Variants in SHANK2 observed in about 807,000 individuals in gnomAD.
SHANK2 encodes SH3 and multiple ankyrin repeat domains protein 2.
A neutral mutation model predicts 133.7 loss-of-function variants in SHANK2; 43 were observed. The ratio of observed to expected loss-of-function variants is 0.32; its 90% confidence interval spans 0.25 to 0.41. The LOEUF (loss-of-function observed/expected upper bound fraction) is 0.41, where lower values mean the gene tolerates loss of function less well. Among genes scored for constraint, SHANK2 ranks in the 10% least tolerant of loss-of-function variants. SHANK2 has a pLI of 1.00. For missense variants in SHANK2, 1,994 were observed against 2,235.8 expected (o/e 0.89, Z 2.18); for synonymous variants, 1,017 against 952.8 (o/e 1.07, Z -1.24).
chr11:70,646,819 CTTTTATTTATTTTAT>C (rs1163855310), intron 17 of SHANK2, among the ~76,000 whole-genome samples: 9 of 106,104 alleles, frequency 8.5e-5, no homozygotes, highest in Non-Finnish European at 1.2e-4. Context: ...AGGAATCTAA[CTTTTATTTATTTTAT>C]TTATTTATTT....
intron 14 of SHANK2, among the ~76,000 whole-genome samples, chr11:70,737,805 G>T (rs982191202): frequency 6.6e-6 from 1 of 152,242 alleles, no homozygotes. Flanking sequence ...TCTTGGGGCC[G>T]GTTTTCCCTG....
intron 11 of SHANK2, among the ~76,000 whole-genome samples, chr11:70,893,244 G>A (rs1365703607): frequency 2.0e-5 from 3 of 152,182 alleles, no homozygotes; most frequent in Non-Finnish European, 4.4e-5. Context: ...TTAAACAATG[G>A]GCAAAGACCC....
chr11:71,197,647 T>TTTTA (rs1296376464), intron 2 of SHANK2, among the ~76,000 whole-genome samples: 19 of 152,272 alleles, frequency 1.2e-4, no homozygotes, highest in African/African-American at 4.1e-4. Flanking sequence ...CTGGCAGGCA[T>TTTTA]TTTATTTATT....
chr11:70,820,733 C>T, intron 11 of SHANK2, 51 bp from the exon 12 acceptor site: 1 of 619,972 alleles, frequency 1.6e-6, no homozygotes, highest in Non-Finnish European at 2.9e-6. Context: ...GTGTCGTGGT[C>T]AGCTGGGTGG....
chr11:70,860,287 G>A (rs899338184), intron 11 of SHANK2, among the ~76,000 whole-genome samples: 2 of 152,090 alleles, frequency 1.3e-5, no homozygotes, highest in African/African-American at 4.8e-5. Context: ...CTCTGTACTT[G>A]GCACCCCCAG....
At chr11:70,586,450 C>T (rs940709023) in intron 17 of SHANK2, among the ~76,000 whole-genome samples, 15 of 152,214 alleles carry the variant, frequency 9.9e-5, no homozygotes, top group South Asian at 4.1e-4. Context: ...AAGGCGTGGC[C>T]GGGGCTAGTG....
At chr11:71,086,056 AATATATT>A (rs1951401019) in intron 8 of SHANK2, among the ~76,000 whole-genome samples, 1 of 82,806 alleles carries the variant, frequency 1.2e-5, no homozygotes, top group Non-Finnish European at 2.0e-5. Flanking sequence ...TATGTTATAT[AATATATT>A]ATATAATATA....
At chr11:71,073,150 T>TC (rs1951168458) in intron 9 of SHANK2, among the ~76,000 whole-genome samples, 2 of 32,726 alleles carry the variant, frequency 6.1e-5, no homozygotes, top group African/African-American at 1.0e-4. Flanking sequence ...TTCTTTTCTT[T>TC]TTTTTCTTTT....
At chr11:71,170,936 C>T (rs1388635535) in intron 2 of SHANK2, among the ~76,000 whole-genome samples, 4 of 152,224 alleles carry the variant, frequency 2.6e-5, no homozygotes, top group Non-Finnish European at 4.4e-5. Context: ...CAGAATACCA[C>T]GGCTGCGGCT....
At chr11:71,128,963 T>G (rs1952241038) in intron 3 of SHANK2, among the ~76,000 whole-genome samples, 2 of 152,202 alleles carry the variant, frequency 1.3e-5, no homozygotes, top group South Asian at 2.1e-4. Flanking sequence ...TTTTGTATTT[T>G]TAGTAGAGAC....
At chr11:70,730,793 C>T (rs1317847495) in intron 14 of SHANK2, among the ~76,000 whole-genome samples, 1 of 151,768 alleles carries the variant, frequency 6.6e-6, no homozygotes, top group Non-Finnish European at 1.5e-5. Context: ...GGCGTCTGCT[C>T]ACTGCTATGC....
intron 14 of SHANK2, among the ~76,000 whole-genome samples, chr11:70,715,795 C>T (rs897272594): frequency 2.0e-5 from 3 of 152,212 alleles, no homozygotes; most frequent in Non-Finnish European, 4.4e-5. Flanking sequence ...TCTATCTGTC[C>T]AGAAGGATGC....
rs569959090 is a variant in SHANK2, at chr11:70,535,313, C to A, written c.2062-32382G>T. ...CTCTATCCTCCATCATTCAGTCCAT[C>A]CATCACTCTATCCCTCTGTTCTTCC... On this transcript the variant is annotated intron_variant, in intron 17 of 25. Transcript: ENST00000601538. This position sits in a 1 kb window ranked among gnomAD's most constrained non-coding sequence, Gnocchi z 4.3. 6.6e-6 allele frequency among the ~76,000 whole-genome samples: 1 copy of A among 151,546 alleles called. No individual in the cohort carries two copies. The highest frequency in any genetic ancestry group is 6.6e-5 in the Admixed American group (1 of 15,166).
chr11:71,129,184 G>GT (rs1282637017), intron 3 of SHANK2, among the ~76,000 whole-genome samples: 1 of 152,244 alleles, frequency 6.6e-6, no homozygotes, highest in African/African-American at 2.4e-5. Flanking sequence ...CTCCTGGGTA[G>GT]TATCATCCAA....
At chr11:71,219,791 G>A (rs923724653) in intron 2 of SHANK2, among the ~76,000 whole-genome samples, 2 of 151,718 alleles carry the variant, frequency 1.3e-5, no homozygotes, top group Admixed American at 1.3e-4. Flanking sequence ...TCAGCTACTC[G>A]GGAGGCTGAG....
At chr11:70,834,464 T>G (rs1303560733) in intron 11 of SHANK2, among the ~76,000 whole-genome samples, 2 of 152,202 alleles carry the variant, frequency 1.3e-5, no homozygotes, top group East Asian at 3.9e-4. Flanking sequence ...AAAGTATGTA[T>G]GCAAGAGCCT....
intron 14 of SHANK2, among the ~76,000 whole-genome samples, chr11:70,741,982 G>A (rs1555034861): frequency 2.0e-5 from 3 of 152,282 alleles, no homozygotes; most frequent in Non-Finnish European, 1.5e-5. Flanking sequence ...ATTCCCACCT[G>A]GTTCCCCTGC....
intron 2 of SHANK2, among the ~76,000 whole-genome samples, chr11:71,167,883 C>T (rs1457675774): frequency 4.1e-5 from 6 of 145,990 alleles, no homozygotes; most frequent in East Asian, 4.1e-4. Flanking sequence ...GGCAGAGGCG[C>T]CCCTCACCTC....
chr11:70,765,161 C>G (rs895207327), intron 14 of SHANK2, among the ~76,000 whole-genome samples: 1 of 152,278 alleles, frequency 6.6e-6, no homozygotes, highest in African/African-American at 2.4e-5. Context: ...CCTGGGGAAA[C>G]ATTATAGCCC....
Sources: allele counts gnomAD v4.1 joint callset (sites outside exome capture counted in the v4.1 genomes callset), GRCh38; gene constraint gnomAD v4.1.1; non-coding constraint Gnocchi (gnomAD v3.1); transcripts MANE v1.5; gene names NCBI Gene and HGNC (gene_info 2026-07-23, HGNC 2026-07-21).